SLC71A2: variants seen among roughly 807,000 people sequenced by gnomAD.
SLC71A2 encodes the protein solute carrier family 71 member 2, also known as hippocampus abundant transcript-like 1.
At chr9:94,431,981 AC>A in the SLC71A2 span, among the ~76,000 whole-genome samples, 1 of 152,034 alleles carries the variant, frequency 6.6e-6, no homozygotes, top group African/African-American at 2.4e-5. Context: ...GAATGCTACC[AC>A]CCAGCAGAGA....
the SLC71A2 span, among the ~76,000 whole-genome samples, chr9:94,379,052 C>T: frequency 2.7e-5 from 3 of 113,176 alleles, no homozygotes; most frequent in East Asian, 5.6e-4. Context: ...CTCGTAGGCT[C>T]TTTTCACCTT....
chr9:94,447,559 T>C, the SLC71A2 span, among the ~76,000 whole-genome samples: 3 of 150,928 alleles, frequency 2.0e-5, no homozygotes, highest in Admixed American at 6.6e-5. Context: ...GAGTAAGATA[T>C]AGAGATTTCC....
chr9:94,427,589 GT>G, the SLC71A2 span, among the ~76,000 whole-genome samples: 2 of 112,652 alleles, frequency 1.8e-5, no homozygotes, highest in South Asian at 5.6e-4. Context: ...GGTTGAGAGG[GT>G]GAGGTTTGAG....
chr9:94,391,954 A>G, the SLC71A2 span, among the ~76,000 whole-genome samples: 22 of 152,212 alleles, frequency 1.4e-4, no homozygotes, highest in African/African-American at 5.1e-4. Context: ...CTGGGCTCCA[A>G]TGATCCTCCT....
At chr9:94,422,709 C>T in the SLC71A2 span, among the ~76,000 whole-genome samples, 1 of 151,972 alleles carries the variant, frequency 6.6e-6, no homozygotes, top group Admixed American at 6.6e-5. Context: ...AAGTTAACCC[C>T]CTTTACGTAT....
chr9:94,382,995 C>T, the SLC71A2 span, among the ~76,000 whole-genome samples: 9 of 151,914 alleles, frequency 5.9e-5, no homozygotes, highest in Non-Finnish European at 1.3e-4. Flanking sequence ...CTTGGCCTTC[C>T]TTCTATGTTT....
At chr9:94,379,419 ACT>A in the SLC71A2 span, among the ~76,000 whole-genome samples, 1 of 103,876 alleles carries the variant, frequency 9.6e-6, no homozygotes, top group Non-Finnish European at 2.1e-5. Flanking sequence ...GTGAGGCCTC[ACT>A]CTGTCATCCA....
At chr9:94,448,642 T>C in the SLC71A2 span, among the ~76,000 whole-genome samples, 3 of 152,214 alleles carry the variant, frequency 2.0e-5, no homozygotes, top group African/African-American at 4.8e-5. Context: ...CTTTTTACTT[T>C]TTTATTGGAG....
At chr9:94,458,474 T>C in the SLC71A2 span, 1 of 1,613,042 alleles carries the variant, frequency 6.2e-7, no homozygotes, top group African/African-American at 1.3e-5. Flanking sequence ...GGTAATTTGG[T>C]CATAAGTCTA....
At chr9:94,458,458 C>T in the SLC71A2 span, 554 of 1,613,602 alleles carry the variant, frequency 3.4e-4, 2 homozygotes, top group Middle Eastern at 2.6e-3. Context: ...ACAACGTTCC[C>T]CTGCAGGTAA....
At chr9:94,424,243 G>A in the SLC71A2 span, among the ~76,000 whole-genome samples, 2 of 126,718 alleles carry the variant, frequency 1.6e-5, no homozygotes, top group Admixed American at 7.4e-5. Context: ...TTTTTTTGGC[G>A]GAGGGGGGAG....
chr9:94,444,090 G>C, the SLC71A2 span, among the ~76,000 whole-genome samples: 1 of 152,162 alleles, frequency 6.6e-6, no homozygotes, highest in Non-Finnish European at 1.5e-5. Context: ...GAAATTTTGG[G>C]ATTTTTAATA....
At chr9:94,409,728 G>A in the SLC71A2 span, among the ~76,000 whole-genome samples, 1 of 151,630 alleles carries the variant, frequency 6.6e-6, no homozygotes, top group Admixed American at 6.6e-5. Flanking sequence ...TGTTATTTAG[G>A]AGTATGTTTA....
the SLC71A2 span, chr9:94,445,055 T>G: frequency 6.2e-7 from 1 of 1,614,204 alleles, no homozygotes; most frequent in Non-Finnish European, 8.5e-7. Context: ...GTTGTGCTGG[T>G]GGCCACAGTG....
the SLC71A2 span, among the ~76,000 whole-genome samples, chr9:94,402,472 A>T: frequency 6.6e-6 from 1 of 152,134 alleles, no homozygotes; most frequent in Non-Finnish European, 1.5e-5. Flanking sequence ...CATCTCCCCC[A>T]AAAGAGTCCC....
At chr9:94,450,010 G>T in the SLC71A2 span, among the ~76,000 whole-genome samples, 9 of 152,190 alleles carry the variant, frequency 5.9e-5, no homozygotes, top group Admixed American at 5.2e-4. Flanking sequence ...CCCAGAATAG[G>T]CAAATCCATA....
At chr9:94,408,866 C>G in the SLC71A2 span, among the ~76,000 whole-genome samples, 2 of 146,726 alleles carry the variant, frequency 1.4e-5, no homozygotes, top group Admixed American at 6.8e-5. Context: ...CTCTGTCACC[C>G]AGGCTGGATT....
the SLC71A2 span, chr9:94,459,476 T>G: frequency 6.3e-7 from 1 of 1,580,346 alleles, no homozygotes. Flanking sequence ...GCCACACCCC[T>G]GGTGACTTCA....
At chr9:94,448,248 C>G in the SLC71A2 span, among the ~76,000 whole-genome samples, 3 of 152,116 alleles carry the variant, frequency 2.0e-5, no homozygotes, top group African/African-American at 7.2e-5. Context: ...CAGGGGGACT[C>G]AAAAGCATTA....
Sources: allele counts gnomAD v4.1 joint callset (sites outside exome capture counted in the v4.1 genomes callset), GRCh38; gene constraint gnomAD v4.1.1; transcripts MANE v1.5; gene names NCBI Gene and HGNC (gene_info 2026-07-23, HGNC 2026-07-21).